Variants in CUL5 observed in about 807,000 individuals in gnomAD.
CUL5 encodes the protein cullin-5.
Under a neutral mutation model 108.8 loss-of-function variants are expected in CUL5, and 26 were observed. The observed-to-expected ratio is 0.24, with a 90% CI of 0.18 to 0.33. CUL5 has a LOEUF of 0.33. Ranked by LOEUF, CUL5 falls within the 10% of genes least tolerant of loss-of-function variation. The probability of loss-of-function intolerance (pLI) is 1.00; values close to 1 mark genes in which losing one functional copy is unlikely to be tolerated. For synonymous variants in CUL5, 334 were observed against 298.0 expected (o/e 1.12, Z -1.25); for missense variants, 524 against 909.2 (o/e 0.58, Z 5.45).
At position 108,094,528 on chromosome 11, in the gene CUL5, A is replaced by G. The variant is rs1432267781; in HGVS notation, c.1567+14A>G. ...TGGCATTACCAGGTATTATTTTATA[A>G]TTACATGTATATATTTTTTAAACTT... On this transcript the variant is annotated intron_variant, in intron 14 of 18. Transcript: ENST00000393094. 1 of 1,260,290 alleles carries G rather than the reference A, an allele frequency of 7.9e-7. No homozygotes were observed. The highest frequency in any genetic ancestry group is 1.5e-5 in the African/African-American group (1 of 65,284). 78.1% of individuals were successfully genotyped at this position (1,260,290 alleles called of 1,614,324 possible). A position where few individuals can be genotyped will look rare whatever the true frequency, so the allele number is the denominator to read the frequency against.
rs78905861 is a variant in CUL5, at chr11:108,066,797, G to C, written c.781-3299G>C. On this transcript the variant is annotated intron_variant, in intron 7 of 18. Coordinates refer to ENST00000393094, the MANE Select transcript of CUL5 (RefSeq NM_003478.6). ...GTCCTTAAGTTTATAGTATAGTAAT[G>C]ATGCATTTTCCAGTTATTTGCTTAT... Among the ~76,000 whole-genome samples the C allele has an allele frequency of 1.0e-2, 1,516 of 152,270 alleles. 33 individuals carry two copies. Among genetic ancestry groups the C allele is most frequent in the African/African-American group, 0.035 (1,444 of 41,554 alleles).
chr11:108,063,589 TATA>T (rs758388265), intron 7 of CUL5, among the ~76,000 whole-genome samples: 424 of 149,626 alleles, frequency 2.8e-3, no homozygotes, highest in Non-Finnish European at 3.1e-3. Flanking sequence ...ATGTTAATTT[TATA>T]ATAATAATAA....
At chr11:108,071,603 A>G (rs976693195) in intron 8 of CUL5, among the ~76,000 whole-genome samples, 1 of 152,026 alleles carries the variant, frequency 6.6e-6, no homozygotes, top group Non-Finnish European at 1.5e-5. Context: ...GCTGAGTGCA[A>G]TGGTGCAATC....
chr11:108,035,503 A>G (rs1276228751), intron 2 of CUL5, among the ~76,000 whole-genome samples: 1 of 152,030 alleles, frequency 6.6e-6, no homozygotes, highest in African/African-American at 2.4e-5. Context: ...TTGGGAGGCC[A>G]AGACAGGGTG....
chr11:108,020,235 T>C (rs2135051206), intron 1 of CUL5, among the ~76,000 whole-genome samples: 1 of 152,296 alleles, frequency 6.6e-6, no homozygotes, highest in Non-Finnish European at 1.5e-5. Context: ...ATTTAAAAGT[T>C]AACTGTAAAA....
Position 108,095,647 on chromosome 11 carries a change from C to G in CUL5, c.1861C>G (p.Leu621Val). The G allele has an allele frequency of 6.2e-7, 1 of 1,614,046 alleles. No homozygotes were observed. Among genetic ancestry groups the G allele is most frequent in the South Asian group, 1.1e-5 (1 of 91,078 alleles). The change falls in exon 16 of 19, where the codon CTT becomes GTT. Residue 621 changes from leucine (L) to valine (V), a missense_variant. Transcript: ENST00000393094. ...GAAAATCAGCTTTGAAAATCTTAAG[C>G]TTGCAACTGAACTCCCTGATGCTGA... is the stretch of plus-strand genomic sequence containing the variant. ...REKISFENLK[L>V]ATELPDAELR... is the part of the protein sequence containing the mutation.
intron 11 of CUL5, among the ~76,000 whole-genome samples, chr11:108,082,485 C>G (rs1385712828): frequency 6.6e-6 from 1 of 152,118 alleles, no homozygotes; most frequent in Non-Finnish European, 1.5e-5. Flanking sequence ...CTGTGTTGAC[C>G]AGGCTGGTCT....
intron 11 of CUL5, among the ~76,000 whole-genome samples, chr11:108,080,114 T>TC (rs1281499836): frequency 8.0e-6 from 1 of 125,386 alleles, no homozygotes; most frequent in East Asian, 2.4e-4. Flanking sequence ...TTTTCATCTT[T>TC]TTTTTTTTTT....
chr11:108,065,174 C>T (rs900878805), intron 7 of CUL5, among the ~76,000 whole-genome samples: 51 of 152,038 alleles, frequency 3.4e-4, no homozygotes, highest in African/African-American at 1.1e-3. Context: ...TACAGGCGCC[C>T]GCCACCACAC....
chr11:108,071,508 C>G (rs950366183), intron 8 of CUL5, among the ~76,000 whole-genome samples: 10 of 152,094 alleles, frequency 6.6e-5, no homozygotes, highest in African/African-American at 2.2e-4. Context: ...AATGACTGAC[C>G]TTTTAAAGAA....
chr11:108,094,577 T>C, intron 14 of CUL5, 63 bp downstream of exon 14: 1 of 1,053,972 alleles, frequency 9.5e-7, no homozygotes, highest in Non-Finnish European at 1.3e-6. Context: ...TGTTTTCCAG[T>C]AAATTAAAAA....
intron 7 of CUL5, among the ~76,000 whole-genome samples, chr11:108,069,076 A>C (rs774643174): frequency 1.3e-5 from 2 of 152,164 alleles, no homozygotes; most frequent in Non-Finnish European, 2.9e-5. Context: ...GGAACATAGC[A>C]AGACATCATC....
intron 1 of CUL5, among the ~76,000 whole-genome samples, chr11:108,020,990 A>G (rs1397541253): frequency 2.6e-5 from 4 of 152,084 alleles, no homozygotes; most frequent in African/African-American, 9.7e-5. Flanking sequence ...TTTTTACTGT[A>G]CCTTTTCTAT....
At chr11:108,045,911 G>A (rs912314205) in intron 2 of CUL5, among the ~76,000 whole-genome samples, 1 of 151,946 alleles carries the variant, frequency 6.6e-6, no homozygotes, top group East Asian at 1.9e-4. Flanking sequence ...GGACAAAATA[G>A]TATACATCTA....
intron 2 of CUL5, among the ~76,000 whole-genome samples, chr11:108,036,478 A>AATTT (rs970274049): frequency 2.6e-5 from 4 of 152,056 alleles, no homozygotes; most frequent in African/African-American, 9.7e-5. Context: ...CTTTACTTTA[A>AATTT]ATTTATTTAT....
At chr11:108,046,469 T>C (rs1008167910) in intron 3 of CUL5, 100 bp downstream of exon 3, 5 of 636,032 alleles carry the variant, frequency 7.9e-6, no homozygotes, top group African/African-American at 7.4e-5. Flanking sequence ...AATTTCAAAA[T>C]ATTGCATTGA....
At chr11:108,073,859 T>C (rs1412733823) in intron 10 of CUL5, 2 of 157,254 alleles carry the variant, frequency 1.3e-5, no homozygotes, top group Non-Finnish European at 2.8e-5. Flanking sequence ...CCTCCACAGC[T>C]CATCACCAGC....
chr11:108,093,569 T>C (rs997557281), intron 13 of CUL5, among the ~76,000 whole-genome samples: 1 of 152,222 alleles, frequency 6.6e-6, no homozygotes. Context: ...AATTATCTTG[T>C]TTGATTATTC....
At chr11:108,014,047 T>C (rs1196797820) in intron 1 of CUL5, among the ~76,000 whole-genome samples, 3 of 152,156 alleles carry the variant, frequency 2.0e-5, no homozygotes, top group Non-Finnish European at 4.4e-5. Flanking sequence ...GAGTAAAAGG[T>C]ACTAATGATT....
Sources: gnomAD v4.1 joint callset for allele counts (sites outside exome capture counted in the v4.1 genomes callset) on GRCh38, gnomAD v4.1.1 for gene constraint, MANE v1.5 for transcripts, NCBI Gene and HGNC (gene_info 2026-07-23, HGNC 2026-07-21) for gene names.